The following CCDC12 variants were observed in gnomAD, a reference collection of about 807,000 sequenced individuals.
The protein encoded by CCDC12 is coiled-coil domain containing 12.
CCDC12 carries 28 observed loss-of-function variants against 25.7 expected under a neutral mutation model. The observed-to-expected ratio is 1.09, with a 90% CI of 0.81 to 1.50. The LOEUF is 1.50. Among genes scored for constraint, CCDC12 ranks in the 40% most tolerant of loss-of-function variants. The pLI is 0.00. For missense variants in CCDC12, 198 were observed against 210.0 expected (o/e 0.94, Z 0.35); for synonymous variants, 75 against 87.7 (o/e 0.86, Z 0.81).
upstream of CCDC12, among the ~76,000 whole-genome samples, chr3:46,980,361 A>G (rs549124817): frequency 6.6e-4 from 100 of 152,220 alleles, no homozygotes; most frequent in Admixed American, 2.7e-3. Context: ...GTCGTGGCCA[A>G]CGGGTCTGGG....
intron 1 of CCDC12, among the ~76,000 whole-genome samples, chr3:46,972,773 T>TAG (rs376875384): frequency 3.5e-5 from 5 of 141,238 alleles, no homozygotes; most frequent in Admixed American, 1.4e-4. Flanking sequence ...CTGACTCCTT[T>TAG]AAAAAAAAAA....
At chr3:46,962,481 C>T (rs181476502) in intron 1 of CCDC12, among the ~76,000 whole-genome samples, 2 of 141,442 alleles carry the variant, frequency 1.4e-5, no homozygotes, top group East Asian at 4.1e-4. Context: ...CCTGAAAAGT[C>T]AAAGCCAAGG....
intron 1 of CCDC12, among the ~76,000 whole-genome samples, chr3:46,963,169 G>C (rs1237214328): frequency 1.3e-5 from 2 of 152,222 alleles, no homozygotes; most frequent in Non-Finnish European, 2.9e-5. Flanking sequence ...CCCTTGAAGA[G>C]TGAGCACCTG....
intron 1 of CCDC12, among the ~76,000 whole-genome samples, chr3:46,954,337 T>A (rs536544204): frequency 2.0e-5 from 3 of 152,214 alleles, no homozygotes; most frequent in Admixed American, 6.5e-5. Flanking sequence ...CCAACCACTA[T>A]GTGTTCACTT....
intron 2 of CCDC12, among the ~76,000 whole-genome samples, chr3:46,934,845 C>A (rs1002365609): frequency 6.6e-6 from 1 of 152,256 alleles, no homozygotes; most frequent in Non-Finnish European, 1.5e-5. Flanking sequence ...TACAGTGGGA[C>A]TGAAAGAACT....
In CCDC12 at chr3:46,925,451, C is replaced by T. The variant is rs758793176; in HGVS notation, c.244+5G>A. ...AGCAGAGGTGGAGAGGGACAGCTTGCTTACCTGCAACCGGTTTGGCCTGGG... is the reference window on the plus strand; with the variant it reads ...AGCAGAGGTGGAGAGGGACAGCTTGTTTACCTGCAACCGGTTTGGCCTGGG... On this transcript the variant is annotated splice_donor_5th_base_variant and intron_variant, in intron 3 of 6. Coordinates refer to ENST00000683445, the MANE Select transcript of CCDC12 (RefSeq NM_001277074.2). 1.2e-6 allele frequency: 2 copies of T among 1,613,416 alleles called. No individual in the cohort carries two copies. The highest frequency in any genetic ancestry group is 1.7e-6 in the Non-Finnish European group (2 of 1,179,440).
At chr3:46,956,292 G>A (rs2034286129) in intron 1 of CCDC12, among the ~76,000 whole-genome samples, 1 of 152,206 alleles carries the variant, frequency 6.6e-6, no homozygotes. Context: ...ATCTTCCACG[G>A]TAAGACCTGG....
chr3:46,959,189 A>G (rs1275756469), intron 1 of CCDC12, among the ~76,000 whole-genome samples: 4 of 112,730 alleles, frequency 3.5e-5, no homozygotes, highest in Non-Finnish European at 5.6e-5. Flanking sequence ...CCCCACCTAC[A>G]CACACTTCCT....
At chr3:46,931,824 A>C in intron 2 of CCDC12, among the ~76,000 whole-genome samples, 1 of 152,198 alleles carries the variant, frequency 6.6e-6, no homozygotes. Flanking sequence ...GCCACCACTG[A>C]CCAGAGAGAC....
At position 46,921,812 on chromosome 3, in the gene CCDC12, G is replaced by A; in HGVS notation, c.*245C>T. 1.7e-6 allele frequency: 1 copy of A among 576,986 alleles called. No individual in the cohort carries two copies. Among genetic ancestry groups the A allele is most frequent in the South Asian group, 2.1e-5 (1 of 48,740 alleles). The allele number at this position is 576,986 out of a possible 1,614,324, so 35.7% of individuals were successfully genotyped here. On this transcript the variant is annotated 3_prime_UTR_variant, in exon 7 of 7. Transcript: ENST00000683445. ...AATATATACATATATACAGACATAT[G>A]TACATCCACATGTGCAGACACAGGC...
chr3:46,931,643 G>C (rs1694160860), intron 2 of CCDC12, among the ~76,000 whole-genome samples: 1 of 151,134 alleles, frequency 6.6e-6, no homozygotes, highest in South Asian at 2.1e-4. Flanking sequence ...GGACAGGACA[G>C]TCCCACATGG....
intron 1 of CCDC12, among the ~76,000 whole-genome samples, chr3:46,965,280 G>A (rs1341894539): frequency 1.3e-5 from 2 of 152,188 alleles, no homozygotes; most frequent in East Asian, 1.9e-4. Context: ...AGTGAGGCCT[G>A]GGGAACACAA....
At chr3:46,946,085 C>T (rs1444974924) in intron 1 of CCDC12, among the ~76,000 whole-genome samples, 1 of 152,228 alleles carries the variant, frequency 6.6e-6, no homozygotes, top group Non-Finnish European at 1.5e-5. Context: ...CTGCTAGAAG[C>T]AGGTCAATCA....
intron 1 of CCDC12, chr3:46,975,860 T>G (rs1268026506): frequency 6.9e-6 from 1 of 145,190 alleles, no homozygotes; most frequent in Non-Finnish European, 1.5e-5. Context: ...TTTTTTTTTT[T>G]TTTGAGACGG....
chr3:46,975,718 A>G (rs2034956102), intron 1 of CCDC12, among the ~76,000 whole-genome samples: 1 of 149,872 alleles, frequency 6.7e-6, no homozygotes, highest in Non-Finnish European at 1.5e-5. Context: ...TTTTTAGTAG[A>G]GACAGAGTTT....
At chr3:46,931,106 C>A (rs1378655137) in intron 2 of CCDC12, among the ~76,000 whole-genome samples, 1 of 152,328 alleles carries the variant, frequency 6.6e-6, no homozygotes, top group South Asian at 2.1e-4. Flanking sequence ...GCAGAGAGGG[C>A]AGGAATGTGG....
At chr3:46,946,760 T>G (rs143155284) in intron 1 of CCDC12, among the ~76,000 whole-genome samples, 51 of 152,204 alleles carry the variant, frequency 3.4e-4, no homozygotes, top group African/African-American at 1.2e-3. Flanking sequence ...TGTGTGTCTG[T>G]GTTTGGGAGG....
chr3:46,938,545 G>GTTTTTCT (rs1274230265), intron 2 of CCDC12, among the ~76,000 whole-genome samples: 1 of 133,700 alleles, frequency 7.5e-6, no homozygotes, highest in Admixed American at 8.0e-5. Flanking sequence ...TTTTTTTTTG[G>GTTTTTCT]TACAACAAAA....
At chr3:46,959,990 A>G (rs973573780) in intron 1 of CCDC12, among the ~76,000 whole-genome samples, 3 of 152,188 alleles carry the variant, frequency 2.0e-5, no homozygotes, top group Admixed American at 6.5e-5. Context: ...CAGGGTATGT[A>G]TATCGATACT....
Sources: gnomAD v4.1 joint callset for allele counts (sites outside exome capture counted in the v4.1 genomes callset) on GRCh38, gnomAD v4.1.1 for gene constraint, MANE v1.5 for transcripts, NCBI Gene and HGNC (gene_info 2026-07-23, HGNC 2026-07-21) for gene names.